The following KIF26B variants were observed in gnomAD, a reference collection of about 807,000 sequenced individuals.
The protein encoded by KIF26B is kinesin family member 26B.
KIF26B carries 63 observed loss-of-function variants against 151.2 expected under a neutral mutation model. The ratio of observed to expected loss-of-function variants is 0.42; its 90% CI spans 0.34 to 0.51. The LOEUF is 0.51. Among genes scored for constraint, KIF26B ranks in the 20% least tolerant of loss-of-function variants. The pLI is 0.07. For synonymous variants in KIF26B, 1,357 were observed against 1,262.1 expected, an observed-to-expected ratio of 1.08 and a Z score of -1.59; for missense variants, 2,813 against 2,913.6, an observed-to-expected ratio of 0.97 and a Z score of 0.79.
At chr1:245,441,853 C>G (rs1659113082) in intron 4 of KIF26B, among the ~76,000 whole-genome samples, 1 of 152,130 alleles carries the variant, frequency 6.6e-6, no homozygotes, top group Non-Finnish European at 1.5e-5. Flanking sequence ...GGCGAGGGAC[C>G]ATTCTTCTCA....
intron 6 of KIF26B, among the ~76,000 whole-genome samples, chr1:245,605,630 C>T (rs1365512941): frequency 5.3e-5 from 8 of 152,142 alleles, no homozygotes; most frequent in South Asian, 2.1e-4. Flanking sequence ...TGTGGGCAGG[C>T]AGAGCCTTCC....
intron 10 of KIF26B, among the ~76,000 whole-genome samples, chr1:245,653,847 C>T (rs1375331343): frequency 6.6e-6 from 1 of 152,078 alleles, no homozygotes; most frequent in Admixed American, 6.6e-5. Flanking sequence ...ATCACTTGAG[C>T]CCAGGAGTTT....
At chr1:245,354,649 G>A (rs1076055) in intron 2 of KIF26B, among the ~76,000 whole-genome samples, 16,801 of 152,232 alleles carry the variant, frequency 0.11, 2,835 homozygotes, top group African/African-American at 0.36. Context: ...TCCACCTTGG[G>A]CGTGGCCATA....
At chr1:245,642,680 C>T (rs1191899468) in intron 9 of KIF26B, among the ~76,000 whole-genome samples, 1 of 151,810 alleles carries the variant, frequency 6.6e-6, no homozygotes, top group Non-Finnish European at 1.5e-5. Flanking sequence ...CAACTATCAG[C>T]AGGAGGAGCT....
intron 2 of KIF26B, among the ~76,000 whole-genome samples, chr1:245,240,253 C>CT (rs771145094): frequency 4.7e-4 from 72 of 152,304 alleles, no homozygotes; most frequent in Non-Finnish European, 9.6e-4. Context: ...CCTGAGTCCA[C>CT]TTTCGCCGCT....
intron 5 of KIF26B, among the ~76,000 whole-genome samples, chr1:245,599,660 A>G (rs1313499130): frequency 1.3e-5 from 2 of 152,198 alleles, no homozygotes; most frequent in African/African-American, 4.8e-5. Context: ...CTTGACTTGC[A>G]ATGCTCAGAG....
At chr1:245,533,192 G>A (rs1304642594) in intron 4 of KIF26B, among the ~76,000 whole-genome samples, 1 of 152,120 alleles carries the variant, frequency 6.6e-6, no homozygotes, top group Non-Finnish European at 1.5e-5. Flanking sequence ...ATAATGGCAC[G>A]TGAGCCATGG....
intron 2 of KIF26B, among the ~76,000 whole-genome samples, chr1:245,279,852 C>G (rs1265939608): frequency 6.6e-6 from 1 of 151,906 alleles, no homozygotes. Context: ...ACTTAAAACT[C>G]ATTATACCTT....
intron 2 of KIF26B, among the ~76,000 whole-genome samples, chr1:245,222,391 C>T (rs541339295): frequency 6.6e-6 from 1 of 152,094 alleles, no homozygotes; most frequent in African/African-American, 2.4e-5. Context: ...GTGTCGAGAT[C>T]GTACCATTGC....
Position 245,365,523 on chromosome 1 carries a change from C to A in KIF26B, c.466-1311C>A, listed in dbSNP as rs113989098. Among the ~76,000 whole-genome samples, 461 of 151,126 alleles carry A rather than the reference C, an allele frequency of 3.1e-3. 10 individuals carry two copies. The highest frequency in any genetic ancestry group is 0.011 in the African/African-American group (439 of 40,620). ...TCACTGCCTCACAACTCCCCCCCAC[C>A]AGCCTACAGCTCAGCAAACCGCCTT... is the stretch of plus-strand genomic sequence containing the variant. On this transcript the variant is annotated intron_variant, in intron 2 of 14. Transcript: ENST00000407071.
Position 245,672,706 on chromosome 1 carries a change from C to T in KIF26B, c.2259-11527C>T, listed in dbSNP as rs561020152. Among the ~76,000 whole-genome samples, 12 of 152,132 alleles carry T rather than the reference C, an allele frequency of 7.9e-5. No individual in the cohort carries two copies. In the East Asian group the frequency reaches 2.1e-3, roughly 27 times the overall value. ...AGCATAAAATTGGCTCTACCAAAGT[C>T]TGGAGGCTGGAAGTAATCATAATTG... is the stretch of plus-strand genomic sequence containing the variant. On this transcript the variant is annotated intron_variant, in intron 10 of 14. Coordinates refer to ENST00000407071, the MANE Select transcript of KIF26B (RefSeq NM_018012.4).
At chr1:245,658,304 A>C (rs1365213155) in intron 10 of KIF26B, among the ~76,000 whole-genome samples, 4 of 151,120 alleles carry the variant, frequency 2.6e-5, no homozygotes, top group Non-Finnish European at 4.4e-5. Flanking sequence ...AAGTTTTTAA[A>C]AACTGATTGT....
chr1:245,540,560 T>A lies in KIF26B; in HGVS notation c.1167-207T>A. 1.4e-6 allele frequency: 1 copy of A among 707,498 alleles called. No homozygotes were observed. The highest frequency in any genetic ancestry group is 2.6e-6 in the Non-Finnish European group (1 of 385,796). 43.8% of individuals were successfully genotyped at this position (707,498 alleles called of 1,614,324 possible). On this transcript the variant is annotated intron_variant, in intron 4 of 14. Transcript: ENST00000407071. The surrounding 1 kb of genome is among the most constrained non-coding windows in gnomAD (Gnocchi z 4.6). The stretch of plus-strand genomic sequence containing the variant: ...GAATCCTGCTATTTTATGGCTTTGT[T>A]TTTCCTTTTGTCGTATAAATGATTG...
chr1:245,246,868 CACACACACACACACACACACACACAG>C (rs1670339535), intron 2 of KIF26B, among the ~76,000 whole-genome samples: 1 of 137,024 alleles, frequency 7.3e-6, no homozygotes, highest in Non-Finnish European at 1.5e-5. Context: ...AAGGGCAGAA[CACACACACACACACACACACACACAG>C]ACACACACAC....
intron 1 of KIF26B, 105 bp from the exon 2 acceptor site, chr1:245,156,177 C>G: frequency 1.4e-6 from 2 of 1,459,436 alleles, no homozygotes; most frequent in Non-Finnish European, 1.8e-6. Flanking sequence ...AACCGACTCC[C>G]GTGGGCGGTT....
At chr1:245,478,169 C>T (rs1660082729) in intron 4 of KIF26B, among the ~76,000 whole-genome samples, 1 of 151,768 alleles carries the variant, frequency 6.6e-6, no homozygotes, top group African/African-American at 2.4e-5. Flanking sequence ...TTATTAGCAC[C>T]TATTCCTTTC....
intron 4 of KIF26B, among the ~76,000 whole-genome samples, chr1:245,454,075 G>T (rs750765778): frequency 2.0e-5 from 3 of 152,180 alleles, no homozygotes; most frequent in Non-Finnish European, 2.9e-5. Context: ...ATCAGTTGAA[G>T]TAGGGTGATT....
At chr1:245,693,451 G>A (rs2044652167) in intron 12 of KIF26B, among the ~76,000 whole-genome samples, 1 of 152,180 alleles carries the variant, frequency 6.6e-6, no homozygotes, top group Non-Finnish European at 1.5e-5. Context: ...TTGGTTGGCG[G>A]CACAGTCCTG....
chr1:245,474,670 C>T (rs1370316113), intron 4 of KIF26B, among the ~76,000 whole-genome samples: 1 of 151,780 alleles, frequency 6.6e-6, no homozygotes, highest in South Asian at 2.1e-4. Context: ...GCCTTGGCCT[C>T]CCAAAGTGCT....
Sources: allele counts gnomAD v4.1 joint callset (sites outside exome capture counted in the v4.1 genomes callset), GRCh38; gene constraint gnomAD v4.1.1; non-coding constraint Gnocchi (gnomAD v3.1); transcripts MANE v1.5; gene names NCBI Gene and HGNC (gene_info 2026-07-23, HGNC 2026-07-21).